Variants in SF3A3 observed in about 807,000 individuals in gnomAD.
SF3A3 encodes splicing factor 3a subunit 3.
Under a neutral mutation model 85.8 loss-of-function variants are expected in SF3A3, and 9 were observed. The ratio of observed to expected loss-of-function variants is 0.10; its 90% CI spans 0.06 to 0.18. SF3A3 has a LOEUF of 0.18. Among genes scored for constraint, SF3A3 ranks in the 10% least tolerant of loss-of-function variants. The pLI is 1.00. For synonymous variants in SF3A3, 195 were observed against 204.4 expected, an observed-to-expected ratio of 0.95 and a Z score of 0.39; for missense variants, 306 against 593.3, an observed-to-expected ratio of 0.52 and a Z score of 5.03.
intron 6 of SF3A3, 122 bp from the exon 7 acceptor site, chr1:37,981,933 G>T: frequency 1.6e-6 from 1 of 627,670 alleles, no homozygotes. Context: ...ACAAGGGCTG[G>T]CTAATTTTGG....
At chr1:37,966,419 C>T (rs1646300735) in intron 15 of SF3A3, among the ~76,000 whole-genome samples, 1 of 152,030 alleles carries the variant, frequency 6.6e-6, no homozygotes, top group African/African-American at 2.4e-5. Flanking sequence ...TTTCTATAGC[C>T]TCTAACACAA....
chr1:37,961,398 A>T (rs1557746045), intron 15 of SF3A3, among the ~76,000 whole-genome samples: 2 of 151,894 alleles, frequency 1.3e-5, no homozygotes, highest in African/African-American at 4.8e-5. Context: ...CAGCCTGATG[A>T]ACATGGAAAA....
chr1:37,976,167 A>G (rs1451191604), intron 12 of SF3A3, among the ~76,000 whole-genome samples: 2 of 152,022 alleles, frequency 1.3e-5, no homozygotes, highest in African/African-American at 4.8e-5. Context: ...AAAAAAAAAA[A>G]AAAACTGTAC....
In SF3A3 at chr1:37,987,490, A is replaced by G; in HGVS notation, c.303+83T>C. The G allele has an allele frequency of 3.1e-6, 3 of 966,894 alleles. No individual in the cohort carries two copies. In the Admixed American group the frequency reaches 6.0e-5, roughly 19 times the overall value. 59.9% of individuals were successfully genotyped at this position (966,894 alleles called of 1,614,324 possible). Reference sequence around the variant, plus strand: ...GTTCTTTCTTGAAGTGCATTTGAATAGCACATGTCCAGTTTCCTTTATACC... The same window carrying G: ...GTTCTTTCTTGAAGTGCATTTGAATGGCACATGTCCAGTTTCCTTTATACC... On this transcript the variant is annotated intron_variant, in intron 4 of 16. Transcript: ENST00000373019.
At chr1:37,983,893 T>C (rs11210866) in intron 6 of SF3A3, among the ~76,000 whole-genome samples, 52,888 of 151,546 alleles carry the variant, frequency 0.35, 10,755 homozygotes, top group Non-Finnish European at 0.45. Flanking sequence ...GCAAAGATCA[T>C]ACCACTGCAC....
At chr1:37,966,910 G>A (rs930025083) in intron 15 of SF3A3, among the ~76,000 whole-genome samples, 3 of 104,522 alleles carry the variant, frequency 2.9e-5, no homozygotes, top group African/African-American at 1.2e-4. Context: ...ACTCCAGCCT[G>A]GGCAATATGA....
At chr1:37,980,870 G>C (rs1646413912) in intron 7 of SF3A3, 146 bp from the exon 8 acceptor site, 1 of 477,160 alleles carries the variant, frequency 2.1e-6, no homozygotes, top group African/African-American at 2.8e-5. Flanking sequence ...TTTTTTTGAG[G>C]CAGAGTTTCG....
intron 6 of SF3A3, 64 bp downstream of exon 6, chr1:37,984,105 T>C (rs1181233086): frequency 2.1e-5 from 17 of 826,914 alleles, no homozygotes; most frequent in Non-Finnish European, 3.4e-5. Context: ...TGTCTGCTAG[T>C]TCCAGCCTAC....
At chr1:37,972,286 A>C (rs557373415) in intron 12 of SF3A3, among the ~76,000 whole-genome samples, 1 of 152,338 alleles carries the variant, frequency 6.6e-6, no homozygotes, top group East Asian at 1.9e-4. Context: ...ATACCTAGGA[A>C]TCCAGCTTAC....
intron 7 of SF3A3, among the ~76,000 whole-genome samples, chr1:37,981,003 C>G (rs1279200006): frequency 2.0e-5 from 3 of 151,904 alleles, no homozygotes; most frequent in African/African-American, 7.3e-5. Flanking sequence ...GCATGCGCCA[C>G]CATGCCCGGC....
chr1:37,977,979 T>A (rs1646390632), intron 11 of SF3A3, among the ~76,000 whole-genome samples: 1 of 151,954 alleles, frequency 6.6e-6, no homozygotes, highest in African/African-American at 2.4e-5. Flanking sequence ...ATTGTGCCAC[T>A]GCACTCCAGC....
intron 6 of SF3A3, among the ~76,000 whole-genome samples, chr1:37,982,242 T>C (rs1425538157): frequency 6.6e-6 from 1 of 152,220 alleles, no homozygotes; most frequent in Non-Finnish European, 1.5e-5. Context: ...CTGACTTGCC[T>C]GCATGGAACT....
chr1:37,980,740 C>T lies in SF3A3; in HGVS notation c.552-16G>A, dbSNP rs374439890. ...CTCTAGGTATCTACAGAGGAACACA[C>T]AATGCAGACAAAGCAAAAAGGGTTT... is the stretch of plus-strand genomic sequence containing the variant. On this transcript the variant is annotated splice_polypyrimidine_tract_variant and intron_variant, in intron 7 of 16. Transcript: ENST00000373019. The T allele has an allele frequency of 9.1e-5, 144 of 1,579,906 alleles. No individual in the cohort carries two copies. Among genetic ancestry groups the T allele is most frequent in the Middle Eastern group, 1.7e-4 (1 of 5,918 alleles).
At chr1:37,977,660 G>A (rs1456642153) in intron 11 of SF3A3, among the ~76,000 whole-genome samples, 1 of 152,040 alleles carries the variant, frequency 6.6e-6, no homozygotes, top group African/African-American at 2.4e-5. Context: ...CCAACATGGT[G>A]AAACCCCGTC....
chr1:37,962,595 C>A (rs1348747843), intron 15 of SF3A3, among the ~76,000 whole-genome samples: 1 of 86,452 alleles, frequency 1.2e-5, no homozygotes, highest in African/African-American at 5.9e-5. Flanking sequence ...AAGAGCGAAA[C>A]TCCATCTCAA....
intron 2 of SF3A3, 42 bp downstream of exon 2, chr1:37,989,506 G>A (rs1004544501): frequency 6.9e-6 from 11 of 1,600,946 alleles, no homozygotes; most frequent in Non-Finnish European, 7.7e-6. Flanking sequence ...CTCTTTTCCC[G>A]CCCTCGCCAA....
chr1:37,980,508 A>G, intron 8 of SF3A3, 78 bp downstream of exon 8: 1 of 1,488,556 alleles, frequency 6.7e-7, no homozygotes, highest in East Asian at 2.3e-5. Context: ...AATGCCCTAA[A>G]GTGGAAGCTC....
At chr1:37,968,233 C>G in intron 14 of SF3A3, 99 bp from the exon 15 acceptor site, 1 of 741,870 alleles carries the variant, frequency 1.3e-6, no homozygotes, top group African/African-American at 1.7e-5. Flanking sequence ...TGGCCCTTTG[C>G]AAGACTCCAC....
chr1:37,979,327 GCTA>G (rs1192849067), intron 9 of SF3A3, 135 bp downstream of exon 9: 1 of 709,262 alleles, frequency 1.4e-6, no homozygotes, highest in Non-Finnish European at 2.4e-6. Context: ...TTTTTGCCTT[GCTA>G]CTTTCTTTGT....
Sources: allele counts gnomAD v4.1 joint callset (sites outside exome capture counted in the v4.1 genomes callset), GRCh38; gene constraint gnomAD v4.1.1; transcripts MANE v1.5; gene names NCBI Gene and HGNC (gene_info 2026-07-23, HGNC 2026-07-21).